Variants in CREBBP observed in about 807,000 individuals in gnomAD.
CREBBP encodes the protein CREB-binding protein.
CREBBP carries 19 observed loss-of-function variants against 265.0 expected under a neutral mutation model. The ratio of observed to expected loss-of-function variants is 0.07; its 90% CI spans 0.05 to 0.11. CREBBP has a LOEUF of 0.11. CREBBP is among the 10% of genes least tolerant of loss of function. The pLI, the probability that CREBBP is intolerant of heterozygous loss-of-function variation, is 1.00. For synonymous variants in CREBBP, 1,457 were observed against 1,223.7 expected (o/e 1.19, Z -3.98); for missense variants, 2,525 against 3,219.0 (o/e 0.78, Z 5.22).
At chr16:3,830,847 T>A (rs1345487636) in intron 2 of CREBBP, among the ~76,000 whole-genome samples, 1 of 152,212 alleles carries the variant, frequency 6.6e-6, no homozygotes, top group South Asian at 2.1e-4. Flanking sequence ...AGTGGCGCGA[T>A]CTCAGCTCAC....
chr16:3,736,288 C>T (rs1241314483), intron 27 of CREBBP, 85 bp from the exon 28 acceptor site: 5 of 1,406,668 alleles, frequency 3.6e-6, no homozygotes, highest in Non-Finnish European at 4.0e-6. Context: ...CGCAAGCGTG[C>T]CCCTCACCAT....
At position 3,778,075 on chromosome 16, in the gene CREBBP, T is replaced by G. The variant is rs757490341; in HGVS notation, c.2049A>C (p.Pro683=). The stretch of plus-strand genomic sequence containing the variant: ...GCTGAGCCCCCGGGGCTGGTAAGGC[T>G]GGCTGGTTCCCCAAGATGCCTTGTT... ...LHKQGILGNQ[P]ALPAPGAQPP... The change falls in exon 10 of 31, where the codon CCA becomes CCC. Residue 683 remains proline, a synonymous_variant. Transcript: ENST00000262367. 4 of 1,614,150 alleles carry G rather than the reference T, an allele frequency of 2.5e-6. No homozygotes were observed. Among genetic ancestry groups the G allele is most frequent in the Non-Finnish European group, 3.4e-6 (4 of 1,180,050 alleles).
chr16:3,852,348 T>C (rs1322285807), intron 1 of CREBBP, among the ~76,000 whole-genome samples: 1 of 150,918 alleles, frequency 6.6e-6, no homozygotes, highest in African/African-American at 2.4e-5. Flanking sequence ...TTTTGTATTT[T>C]TAGTAGAGAC....
chr16:3,744,883 C>G lies in CREBBP; in HGVS notation c.3982+11G>C. The stretch of plus-strand genomic sequence containing the variant: ...TGCAGTCCAGGAAACAGAAAGCTTC[C>G]CGAAACTTACTCTTAGCACTGAATT... On this transcript the variant is annotated intron_variant, in intron 23 of 30. Transcript: ENST00000262367. 1 of 1,609,570 alleles carries G rather than the reference C, an allele frequency of 6.2e-7. No homozygotes were observed. The highest frequency in any genetic ancestry group is 1.3e-5 in the African/African-American group (1 of 74,890).
chr16:3,848,102 G>A (rs1336878533), intron 2 of CREBBP, among the ~76,000 whole-genome samples: 6 of 151,850 alleles, frequency 4.0e-5, no homozygotes, highest in African/African-American at 9.7e-5. Flanking sequence ...CCCAGGAGGC[G>A]GAGGTTGCAG....
intron 13 of CREBBP, 63 bp from the exon 14 acceptor site, chr16:3,771,049 T>C (rs1253908927): frequency 2.6e-5 from 41 of 1,596,424 alleles, no homozygotes; most frequent in Non-Finnish European, 3.2e-5. Flanking sequence ...GATGAAACAT[T>C]TGAAAAATTA....
At chr16:3,829,548 C>T (rs531550668) in intron 2 of CREBBP, among the ~76,000 whole-genome samples, 28 of 152,242 alleles carry the variant, frequency 1.8e-4, no homozygotes, top group Admixed American at 5.9e-4. Context: ...TCTGATCAGT[C>T]GGAGTTTCAA....
intron 10 of CREBBP, 116 bp downstream of exon 10, chr16:3,777,895 C>T: frequency 7.7e-7 from 1 of 1,307,100 alleles, no homozygotes; most frequent in Non-Finnish European, 1.1e-6. Flanking sequence ...ACATCAACAG[C>T]TTCTGCAGGG....
chr16:3,860,934 T>C lies in CREBBP; in HGVS notation c.86-9925A>G, dbSNP rs140185436. Among the ~76,000 whole-genome samples, 1,274 of 152,196 alleles carry C rather than the reference T, an allele frequency of 8.4e-3. 14 individuals are homozygous for C. The highest frequency in any genetic ancestry group is 0.071 in the Middle Eastern group (21 of 294). ...ACCAAGCCCTGGTTCAGATCACAGC[T>C]GTCACCACAGCTACTGCCTCCCTGT... On this transcript the variant is annotated intron_variant, in intron 1 of 30. Coordinates refer to ENST00000262367, the MANE Select transcript of CREBBP (RefSeq NM_004380.3).
chr16:3,777,960 G>A (rs1272973045), intron 10 of CREBBP, 51 bp downstream of exon 10: 2 of 1,593,552 alleles, frequency 1.3e-6, no homozygotes, highest in African/African-American at 2.7e-5. Context: ...AAACACGAAG[G>A]AAAACCAAGG....
At chr16:3,847,351 C>A (rs1351476856) in intron 2 of CREBBP, among the ~76,000 whole-genome samples, 1 of 152,122 alleles carries the variant, frequency 6.6e-6, no homozygotes, top group Non-Finnish European at 1.5e-5. Context: ...AAAAAAAGCG[C>A]CTTTTCCCTG....
intron 1 of CREBBP, among the ~76,000 whole-genome samples, chr16:3,856,315 GAATT>G (rs766389439): frequency 6.6e-6 from 1 of 152,002 alleles, no homozygotes; most frequent in Non-Finnish European, 1.5e-5. Flanking sequence ...TTTAATTAAT[GAATT>G]AATTAAATAA....
intron 16 of CREBBP, among the ~76,000 whole-genome samples, chr16:3,761,369 A>C (rs1596862994): frequency 6.6e-6 from 1 of 152,316 alleles, no homozygotes; most frequent in Non-Finnish European, 1.5e-5. Context: ...AGGTACATGG[A>C]CCTGCCATCA....
At chr16:3,837,623 A>C (rs985979322) in intron 2 of CREBBP, among the ~76,000 whole-genome samples, 1 of 150,714 alleles carries the variant, frequency 6.6e-6, no homozygotes. Context: ...CAAAAAAAAT[A>C]ATAATAATAA....
At chr16:3,769,024 A>G in intron 15 of CREBBP, 150 bp downstream of exon 15, 3 of 870,932 alleles carry the variant, frequency 3.4e-6, no homozygotes, top group Non-Finnish European at 5.5e-6. Context: ...TTTTCAATCA[A>G]TTTCCTATAC....
At chr16:3,850,207 G>C in intron 2 of CREBBP, 90 bp downstream of exon 2, 1 of 1,307,720 alleles carries the variant, frequency 7.6e-7, no homozygotes, top group South Asian at 1.2e-5. Flanking sequence ...GGAAAAACAG[G>C]AGTGGGCCAC....
chr16:3,735,893 G>A, intron 28 of CREBBP, 143 bp downstream of exon 28: 3 of 1,298,772 alleles, frequency 2.3e-6, no homozygotes, highest in Non-Finnish European at 3.3e-6. Flanking sequence ...CCAACGCCCT[G>A]TGCTGCAGGT....
chr16:3,760,915 G>C (rs1183472166), intron 16 of CREBBP, among the ~76,000 whole-genome samples: 1 of 152,152 alleles, frequency 6.6e-6, no homozygotes, highest in Non-Finnish European at 1.5e-5. Context: ...TAACATTATA[G>C]GTGTGAGCCA....
rs1295594623 is a variant in CREBBP, at chr16:3,745,068, A to T, written c.3915-107T>A. 4 of 975,536 alleles carry T rather than the reference A, an allele frequency of 4.1e-6. No homozygotes were observed. The African/African-American group carries it at 4.9e-5, about 12-fold the overall frequency. The allele number at this position is 975,536 out of a possible 1,614,324, so 60.4% of individuals were successfully genotyped here. ...TGTTGGCAGTTTAAATCACATTATT[A>T]TAAAATTAAAGAGTGAAGAGGCAGA... On this transcript the variant is annotated intron_variant, in intron 22 of 30. Transcript: ENST00000262367.
Sources: gnomAD v4.1 joint callset for allele counts (sites outside exome capture counted in the v4.1 genomes callset) on GRCh38, gnomAD v4.1.1 for gene constraint, MANE v1.5 for transcripts, NCBI Gene and HGNC (gene_info 2026-07-23, HGNC 2026-07-21) for gene names.